Variants in AXDND1 observed in about 807,000 individuals in gnomAD.
AXDND1 encodes the protein axonemal dynein light chain domain-containing protein 1.
AXDND1 carries 110 observed loss-of-function variants against 137.5 expected under a neutral mutation model. The ratio of observed to expected loss-of-function variants is 0.80; its 90% CI spans 0.69 to 0.94. The LOEUF is 0.94. Among genes scored for constraint, AXDND1 ranks in the 40% least tolerant of loss-of-function variants. The pLI is 0.00. For missense variants in AXDND1, 1,191 were observed against 1,169.8 expected (o/e 1.02, Z -0.26); for synonymous variants, 414 against 399.7 (o/e 1.04, Z -0.43).
rs567649115 is a variant in AXDND1, at chr1:179,447,726, A to G, written c.1798+2522A>G. On this transcript the variant is annotated intron_variant, in intron 16 of 25. Coordinates refer to ENST00000367618, the MANE Select transcript of AXDND1 (RefSeq NM_144696.6). ...TTGTAGGCATGACTTTACCTAAACTATTTGCACCAGTAGCTCCAATCAAAT... is the reference window on the plus strand; with the variant it reads ...TTGTAGGCATGACTTTACCTAAACTGTTTGCACCAGTAGCTCCAATCAAAT... 5.9e-4 allele frequency: 790 copies of G among 1,347,072 alleles called. 9 individuals carry two copies. The South Asian group carries it at 9.0e-3, about 15-fold the overall frequency. 83.4% of individuals were successfully genotyped at this position (1,347,072 alleles called of 1,614,324 possible).
intron 6 of AXDND1, among the ~76,000 whole-genome samples, chr1:179,380,638 G>T (rs1648107055): frequency 1.3e-5 from 2 of 152,076 alleles, no homozygotes. Flanking sequence ...TTTGGACTAA[G>T]GTTTTATAAT....
chr1:179,531,320 C>T (rs1671018816), intron 23 of AXDND1, among the ~76,000 whole-genome samples: 1 of 152,090 alleles, frequency 6.6e-6, no homozygotes, highest in African/African-American at 2.4e-5. Context: ...AATCTTGTGA[C>T]CTCTGGAATA....
intron 16 of AXDND1, among the ~76,000 whole-genome samples, chr1:179,466,837 T>G (rs2125471604): frequency 6.6e-6 from 1 of 152,308 alleles, no homozygotes; most frequent in Admixed American, 6.5e-5. Context: ...CTTTTTATTC[T>G]GGCAGGTCAT....
intron 25 of AXDND1, chr1:179,551,827 A>G (rs1673329622): frequency 1.1e-5 from 3 of 272,656 alleles, no homozygotes. Context: ...ATGGGTAAAC[A>G]TTTCTGAAGT....
At chr1:179,406,999 C>T (rs1168740158) in intron 11 of AXDND1, among the ~76,000 whole-genome samples, 1 of 151,898 alleles carries the variant, frequency 6.6e-6, no homozygotes, top group Non-Finnish European at 1.5e-5. Context: ...ACATTTGAAT[C>T]CTTTCTCTTT....
At chr1:179,488,791 G>A (rs1403503185) in intron 18 of AXDND1, among the ~76,000 whole-genome samples, 2 of 142,410 alleles carry the variant, frequency 1.4e-5, no homozygotes, top group Non-Finnish European at 3.0e-5. Flanking sequence ...CTGGACTGCA[G>A]TGGCACGTTC....
chr1:179,499,220 CAAAAT>C (rs1667757430), intron 20 of AXDND1, among the ~76,000 whole-genome samples: 1 of 151,950 alleles, frequency 6.6e-6, no homozygotes, highest in Non-Finnish European at 1.5e-5. Flanking sequence ...ACTAGATAAA[CAAAAT>C]GCAGTATATT....
At chr1:179,369,565 T>G (rs1667822493) in intron 3 of AXDND1, among the ~76,000 whole-genome samples, 1 of 151,896 alleles carries the variant, frequency 6.6e-6, no homozygotes, top group Non-Finnish European at 1.5e-5. Flanking sequence ...GGCAGGAGAA[T>G]CACTTGAACC....
intron 25 of AXDND1, chr1:179,552,748 G>T: frequency 2.4e-6 from 3 of 1,229,544 alleles, no homozygotes; most frequent in Non-Finnish European, 2.4e-6. Context: ...CTTTCACACA[G>T]ACTTGCAAGC....
At chr1:179,394,985 A>G in intron 10 of AXDND1, 113 bp from the exon 11 acceptor site, 1 of 776,434 alleles carries the variant, frequency 1.3e-6, no homozygotes. Flanking sequence ...AAAACTGGGA[A>G]GGGAGGTACA....
chr1:179,538,313 T>A (rs1400656598), intron 25 of AXDND1, among the ~76,000 whole-genome samples: 2 of 152,238 alleles, frequency 1.3e-5, no homozygotes, highest in African/African-American at 4.8e-5. Flanking sequence ...TTTCCTGCTT[T>A]CTCTTGTGAG....
At chr1:179,475,306 C>T (rs1664475380) in intron 17 of AXDND1, among the ~76,000 whole-genome samples, 1 of 152,228 alleles carries the variant, frequency 6.6e-6, no homozygotes, top group Admixed American at 6.5e-5. Context: ...GCATCAACAC[C>T]TTGCACTGTG....
intron 18 of AXDND1, among the ~76,000 whole-genome samples, chr1:179,490,131 G>C (rs1369759125): frequency 6.6e-6 from 1 of 152,154 alleles, no homozygotes; most frequent in African/African-American, 2.4e-5. Flanking sequence ...GGTATGCAGG[G>C]ATAAGTTGAT....
chr1:179,527,245 C>T (rs113211405), intron 22 of AXDND1, among the ~76,000 whole-genome samples: 4,563 of 152,168 alleles, frequency 0.03, 215 homozygotes, highest in African/African-American at 0.1. Context: ...ACTGTCATGG[C>T]GCTGATGGGA....
intron 22 of AXDND1, 150 bp downstream of exon 22, chr1:179,525,597 A>G (rs886252236): frequency 2.1e-6 from 2 of 933,996 alleles, no homozygotes; most frequent in African/African-American, 3.4e-5. Flanking sequence ...CTGGGGCTCA[A>G]ATGATCCTCC....
intron 9 of AXDND1, among the ~76,000 whole-genome samples, chr1:179,392,068 C>T (rs1287658848): frequency 6.6e-6 from 1 of 152,124 alleles, no homozygotes; most frequent in African/African-American, 2.4e-5. Flanking sequence ...TAATATAACC[C>T]ATCACCCGCT....
At chr1:179,524,253 T>A (rs1558302382) in intron 21 of AXDND1, among the ~76,000 whole-genome samples, 1 of 152,214 alleles carries the variant, frequency 6.6e-6, no homozygotes, top group Non-Finnish European at 1.5e-5. Context: ...TTTAGTTCTT[T>A]AAGGAATCAC....
chr1:179,527,512 C>T (rs2125691424), intron 22 of AXDND1, among the ~76,000 whole-genome samples: 1 of 152,222 alleles, frequency 6.6e-6, no homozygotes, highest in East Asian at 1.9e-4. Flanking sequence ...ACAGTATACT[C>T]ATAAATTATT....
intron 20 of AXDND1, among the ~76,000 whole-genome samples, chr1:179,499,721 A>G (rs74593932): frequency 0.032 from 4,914 of 152,234 alleles, 291 homozygotes; most frequent in African/African-American, 0.11. Context: ...TTTTGGCAAG[A>G]TTAATTAAGA....
Sources: allele counts gnomAD v4.1 joint callset (sites outside exome capture counted in the v4.1 genomes callset), GRCh38; gene constraint gnomAD v4.1.1; transcripts MANE v1.5; gene names NCBI Gene and HGNC (gene_info 2026-07-23, HGNC 2026-07-21).